The following ESRRG variants were observed in gnomAD, a reference collection of about 807,000 sequenced individuals.
ESRRG encodes the protein estrogen related receptor gamma, also known as estrogen-related receptor gamma.
ESRRG carries 13 observed loss-of-function variants against 44.0 expected under a neutral mutation model. That is an observed-to-expected ratio of 0.30 (90% CI 0.19 to 0.47). The LOEUF is 0.47. Ranked by LOEUF, ESRRG falls within the 20% of genes least tolerant of loss-of-function variation. The probability of loss-of-function intolerance (pLI) is 1.00; values close to 1 mark genes in which losing one functional copy is unlikely to be tolerated. For missense variants in ESRRG, 395 were observed against 580.6 expected, an observed-to-expected ratio of 0.68 and a Z score of 3.29; for synonymous variants, 215 against 214.6, an observed-to-expected ratio of 1.00 and a Z score of -0.02.
chr1:217,003,783 T>A (rs1019036074), intron 1 of ESRRG, among the ~76,000 whole-genome samples: 3 of 151,760 alleles, frequency 2.0e-5, no homozygotes, highest in African/African-American at 7.3e-5. Flanking sequence ...TAAGACTAGG[T>A]CAGATATGAG....
chr1:216,838,497 G>A (rs2095602927), intron 2 of ESRRG, among the ~76,000 whole-genome samples: 1 of 152,112 alleles, frequency 6.6e-6, no homozygotes, highest in East Asian at 1.9e-4. Context: ...ATGAATTTTA[G>A]AGGAATACAG....
chr1:217,007,365 T>C (rs1430830361), intron 1 of ESRRG, among the ~76,000 whole-genome samples: 2 of 142,978 alleles, frequency 1.4e-5, no homozygotes, highest in East Asian at 4.3e-4. Flanking sequence ...AACTCAACAA[T>C]TTTAGTCTCT....
At chr1:216,997,557 G>T (rs1228492092) in intron 1 of ESRRG, among the ~76,000 whole-genome samples, 1 of 152,182 alleles carries the variant, frequency 6.6e-6, no homozygotes, top group African/African-American at 2.4e-5. Flanking sequence ...CTTAGACTTT[G>T]AGTTGTTACA....
chr1:216,658,386 A>G (rs1160144160), intron 2 of ESRRG, among the ~76,000 whole-genome samples: 1 of 152,102 alleles, frequency 6.6e-6, no homozygotes, highest in Non-Finnish European at 1.5e-5. Context: ...TAATTCTACA[A>G]CCATCAACTA....
At chr1:217,126,189 A>G (rs1324729677) in intron 1 of ESRRG, among the ~76,000 whole-genome samples, 1 of 152,082 alleles carries the variant, frequency 6.6e-6, no homozygotes, top group Non-Finnish European at 1.5e-5. Flanking sequence ...GATTCAAAAT[A>G]TGTTTCTTTA....
intron 1 of ESRRG, among the ~76,000 whole-genome samples, chr1:217,034,072 C>T (rs1393967326): frequency 6.6e-6 from 1 of 152,150 alleles, no homozygotes. Context: ...TAGTATCATT[C>T]TGAAGAGCCA....
At chr1:216,523,866 A>AT in intron 5 of ESRRG, among the ~76,000 whole-genome samples, 1 of 151,646 alleles carries the variant, frequency 6.6e-6, no homozygotes, top group Non-Finnish European at 1.5e-5. Context: ...AAAAATCAAC[A>AT]TTTTTCAACA....
intron 2 of ESRRG, among the ~76,000 whole-genome samples, chr1:216,821,455 G>A (rs1282039364): frequency 6.6e-6 from 1 of 151,908 alleles, no homozygotes; most frequent in Non-Finnish European, 1.5e-5. Flanking sequence ...TGGGGCCAAG[G>A]TGGGAGGATC....
At chr1:216,666,695 T>A (rs900476312) in intron 2 of ESRRG, among the ~76,000 whole-genome samples, 1 of 152,190 alleles carries the variant, frequency 6.6e-6, no homozygotes, top group African/African-American at 2.4e-5. Flanking sequence ...AGTCCAGTGA[T>A]CTGTAGGCAA....
At chr1:217,136,590 C>T (rs2093052978) in intron 1 of ESRRG, among the ~76,000 whole-genome samples, 2 of 152,160 alleles carry the variant, frequency 1.3e-5, no homozygotes, top group South Asian at 2.1e-4. Flanking sequence ...TGTCCCTGGA[C>T]GCCCTTTTGC....
At chr1:216,510,382 A>T (rs768731359) in intron 6 of ESRRG, among the ~76,000 whole-genome samples, 5 of 152,226 alleles carry the variant, frequency 3.3e-5, no homozygotes, top group Non-Finnish European at 7.3e-5. Flanking sequence ...CTAATAATAA[A>T]ATAGAACTTT....
At chr1:217,061,786 T>A (rs1366474436) in intron 1 of ESRRG, among the ~76,000 whole-genome samples, 1 of 152,172 alleles carries the variant, frequency 6.6e-6, no homozygotes, top group South Asian at 2.1e-4. Flanking sequence ...ATAAATCAGA[T>A]ACATGTAAAA....
At chr1:217,006,834 G>T (rs746625252) in intron 1 of ESRRG, among the ~76,000 whole-genome samples, 1 of 152,128 alleles carries the variant, frequency 6.6e-6, no homozygotes, top group African/African-American at 2.4e-5. Flanking sequence ...TTCAGATTTT[G>T]GAGCATTTTG....
At chr1:216,616,338 G>A (rs577201760) in intron 3 of ESRRG, among the ~76,000 whole-genome samples, 5 of 152,286 alleles carry the variant, frequency 3.3e-5, no homozygotes, top group Admixed American at 6.5e-5. Flanking sequence ...GGGAATGGGC[G>A]CAGTGACATA....
intron 2 of ESRRG, among the ~76,000 whole-genome samples, chr1:216,923,712 C>A (rs926901540): frequency 6.6e-6 from 1 of 152,206 alleles, no homozygotes; most frequent in African/African-American, 2.4e-5. Context: ...CTTTCTCCAA[C>A]CCTCACTCCT....
At chr1:217,073,278 A>G (rs959789931) in intron 1 of ESRRG, among the ~76,000 whole-genome samples, 1 of 150,528 alleles carries the variant, frequency 6.6e-6, no homozygotes, top group Non-Finnish European at 1.5e-5. Flanking sequence ...CAAAAACCCA[A>G]CTGTAGGCAA....
intron 2 of ESRRG, among the ~76,000 whole-genome samples, chr1:216,938,344 T>A (rs1419905564): frequency 6.6e-6 from 1 of 152,194 alleles, no homozygotes. Flanking sequence ...GTATCACTAA[T>A]ATTTAAAACT....
chr1:217,081,714 G>C (rs1237545060), intron 1 of ESRRG, among the ~76,000 whole-genome samples: 2 of 152,138 alleles, frequency 1.3e-5, no homozygotes, highest in Non-Finnish European at 2.9e-5. Flanking sequence ...AAGTAGCTGG[G>C]ATTACAGGTG....
chr1:216,909,940 A>C (rs1201188341), intron 2 of ESRRG, among the ~76,000 whole-genome samples: 1 of 152,186 alleles, frequency 6.6e-6, no homozygotes, highest in Admixed American at 6.5e-5. Context: ...AATGTGATTC[A>C]GAACAAAGAA....
Sources: allele counts gnomAD v4.1 joint callset (sites outside exome capture counted in the v4.1 genomes callset), GRCh38; gene constraint gnomAD v4.1.1; transcripts MANE v1.5; gene names NCBI Gene and HGNC (gene_info 2026-07-23, HGNC 2026-07-21).